The following INPP4A variants were observed in gnomAD, a reference collection of about 807,000 sequenced individuals.
INPP4A encodes inositol polyphosphate-4-phosphatase, type I, 107kD.
Under a neutral mutation model 119.8 loss-of-function variants are expected in INPP4A, and 33 were observed. The ratio of observed to expected loss-of-function variants is 0.28; its 90% CI spans 0.21 to 0.37. INPP4A has a LOEUF of 0.37. INPP4A is among the 10% of genes least tolerant of loss of function. The pLI, the probability that INPP4A is intolerant of heterozygous loss-of-function variation, is 1.00. For missense variants in INPP4A, 956 were observed against 1,289.9 expected (o/e 0.74, Z 3.97); for synonymous variants, 496 against 500.7 (o/e 0.99, Z 0.12).
chr2:98,559,468 A>C lies in INPP4A; in HGVS notation c.1828A>C (p.Ser610Arg), dbSNP rs1369642032. The change falls in exon 17 of 25, where the codon AGT (serine) becomes CGT (arginine). Residue 610 changes from serine to arginine, a missense_variant. By Grantham distance (110) the Ser-to-Arg change is moderately radical. Transcript: ENST00000409851. Reference protein sequence around the residue: ...ACHPHLTTHCSPPPEESSPGE... With the variant: ...ACHPHLTTHCRPPPEESSPGE... ...CGCCCTCCATTTCTGTGCAGATTGC[A>C]GTCCCCCTCCTGAAGAGTCCAGCCC... is the stretch of plus-strand genomic sequence containing the variant. The C allele has an allele frequency of 1.2e-6, 2 of 1,613,894 alleles. No homozygotes were observed. Among genetic ancestry groups the C allele is most frequent in the Non-Finnish European group, 1.7e-6 (2 of 1,179,906 alleles).
intron 24 of INPP4A, among the ~76,000 whole-genome samples, chr2:98,585,214 A>G (rs1699821482): frequency 6.6e-6 from 1 of 152,076 alleles, no homozygotes; most frequent in African/African-American, 2.4e-5. Flanking sequence ...TGACAGGAGT[A>G]GCAGCCACCC....
chr2:98,579,459 C>T (rs1575174312), intron 24 of INPP4A, among the ~76,000 whole-genome samples: 1 of 152,194 alleles, frequency 6.6e-6, no homozygotes, highest in East Asian at 1.9e-4. Flanking sequence ...TATACATTCC[C>T]CTAGCCACAT....
chr2:98,559,386 T>G, intron 16 of INPP4A, 77 bp from the exon 17 acceptor site: 2 of 1,534,906 alleles, frequency 1.3e-6, no homozygotes, highest in South Asian at 2.3e-5. Flanking sequence ...ACGCAGCTGC[T>G]GCTCTGAGAT....
At chr2:98,544,157 G>T in intron 11 of INPP4A, 150 bp downstream of exon 11, 1 of 659,838 alleles carries the variant, frequency 1.5e-6, no homozygotes, top group Non-Finnish European at 2.4e-6. Flanking sequence ...ACACTTTAAT[G>T]GATTTTTAAA....
At chr2:98,463,640 G>A (rs1335698603) in intron 1 of INPP4A, among the ~76,000 whole-genome samples, 1 of 152,248 alleles carries the variant, frequency 6.6e-6, no homozygotes, top group Non-Finnish European at 1.5e-5. Flanking sequence ...CAAAGGAATT[G>A]ACTTGTGGAG....
intron 1 of INPP4A, among the ~76,000 whole-genome samples, chr2:98,457,715 T>C (rs959420132): frequency 1.6e-4 from 25 of 152,264 alleles, no homozygotes; most frequent in Admixed American, 3.9e-4. Context: ...CTGTTTGAGC[T>C]TGCTACTTAG....
chr2:98,478,466 C>G (rs1481192625), intron 1 of INPP4A, among the ~76,000 whole-genome samples: 1 of 152,218 alleles, frequency 6.6e-6, no homozygotes, highest in Non-Finnish European at 1.5e-5. Context: ...TGCCTCTCCA[C>G]CAGACCTGCG....
At chr2:98,552,335 T>C (rs1490325850) in intron 13 of INPP4A, among the ~76,000 whole-genome samples, 1 of 152,170 alleles carries the variant, frequency 6.6e-6, no homozygotes, top group Non-Finnish European at 1.5e-5. Context: ...TTTTGGTTGT[T>C]TGGGGACAAA....
chr2:98,495,389 G>T (rs1681729514), intron 1 of INPP4A, among the ~76,000 whole-genome samples: 1 of 152,172 alleles, frequency 6.6e-6, no homozygotes, highest in African/African-American at 2.4e-5. Context: ...TGACAAAGGT[G>T]CCAAGAACAG....
chr2:98,447,247 G>T (rs2104378407), intron 1 of INPP4A, among the ~76,000 whole-genome samples: 1 of 152,304 alleles, frequency 6.6e-6, no homozygotes, highest in Admixed American at 6.5e-5. Context: ...GGTGTCAGGA[G>T]GCTTTGACTT....
chr2:98,533,544 G>T, intron 5 of INPP4A, 49 bp downstream of exon 5: 2 of 1,093,902 alleles, frequency 1.8e-6, no homozygotes, highest in South Asian at 1.2e-5. Context: ...ATGCTCTAGT[G>T]GTGTCTCTTG....
At chr2:98,581,318 T>C (rs1699273116) in intron 24 of INPP4A, among the ~76,000 whole-genome samples, 1 of 152,228 alleles carries the variant, frequency 6.6e-6, no homozygotes, top group Non-Finnish European at 1.5e-5. Flanking sequence ...GTATTTTTTC[T>C]TATTTTCACT....
Position 98,451,029 on chromosome 2 carries a change from C to G in INPP4A, c.-166+5944C>G, listed in dbSNP as rs139047349. Among the ~76,000 whole-genome samples the G allele has an allele frequency of 2.0e-3, 306 of 152,346 alleles. 1 individual carries two copies. Among genetic ancestry groups the G allele is most frequent in the African/African-American group, 7.0e-3 (291 of 41,578 alleles). On this transcript the variant is annotated intron_variant, in intron 1 of 24. Transcript: ENST00000409851. ...CAGGTGATCCACCCACCTCTGCCCC[C>G]CAAAGTGCTGGGATTACAGGCATGA...
At chr2:98,567,675 T>C (rs986644519) in intron 21 of INPP4A, among the ~76,000 whole-genome samples, 1 of 152,128 alleles carries the variant, frequency 6.6e-6, no homozygotes, top group African/African-American at 2.4e-5. Flanking sequence ...AAGGGCAGGT[T>C]CTTGACTTTG....
rs1346976123 is a variant in INPP4A, at chr2:98,554,768, G to A, written c.1566+279G>A. Among the ~76,000 whole-genome samples, 7 of 152,164 alleles carry A rather than the reference G, an allele frequency of 4.6e-5. No individual in the cohort carries two copies. In the East Asian group the frequency reaches 9.7e-4, roughly 21 times the overall value. On this transcript the variant is annotated intron_variant, in intron 15 of 24. Coordinates refer to ENST00000409851, the MANE Select transcript of INPP4A (RefSeq NM_001134225.2). This position sits in a 1 kb window ranked among gnomAD's most constrained non-coding sequence, Gnocchi z 4.7. ...AAGTGGGTTTTCCTCCCGTGTTGGAGGTCTCTCCTTCCCCTGCCTCCTGTG... is the reference window on the plus strand; with the variant it reads ...AAGTGGGTTTTCCTCCCGTGTTGGAAGTCTCTCCTTCCCCTGCCTCCTGTG...
chr2:98,565,958 G>C (rs1696351775), intron 20 of INPP4A, 71 bp from the exon 21 acceptor site: 1 of 1,543,290 alleles, frequency 6.5e-7, no homozygotes, highest in Non-Finnish European at 8.8e-7. Flanking sequence ...CAGAGGGCCA[G>C]CCTGGGCACT....
intron 16 of INPP4A, among the ~76,000 whole-genome samples, chr2:98,556,915 C>G (rs1694594645): frequency 6.6e-6 from 1 of 152,208 alleles, no homozygotes; most frequent in Non-Finnish European, 1.5e-5. Context: ...GTGATTGGCT[C>G]ATGGAACTAT....
intron 1 of INPP4A, among the ~76,000 whole-genome samples, chr2:98,475,924 C>A (rs1159163617): frequency 2.0e-5 from 3 of 152,176 alleles, no homozygotes; most frequent in Non-Finnish European, 1.5e-5. Context: ...AATGCACTAT[C>A]TTCTCATTTT....
At chr2:98,466,026 T>A (rs910924415) in intron 1 of INPP4A, among the ~76,000 whole-genome samples, 2 of 151,994 alleles carry the variant, frequency 1.3e-5, no homozygotes, top group African/African-American at 2.4e-5. Context: ...CTTGTTACGT[T>A]TTTTGTTTTG....
Sources: gnomAD v4.1 joint callset for allele counts (sites outside exome capture counted in the v4.1 genomes callset) on GRCh38, gnomAD v4.1.1 for gene constraint, Gnocchi (gnomAD v3.1) non-coding constraint, MANE v1.5 for transcripts, NCBI Gene and HGNC (gene_info 2026-07-23, HGNC 2026-07-21) for gene names.